GRM5: variants seen among roughly 807,000 people sequenced by gnomAD.
GRM5 encodes the protein metabotropic glutamate receptor 5.
In GRM5, 19 loss-of-function variants were observed where a neutral mutation model predicts 83.1. The observed-to-expected ratio is 0.23, with a 90% CI of 0.16 to 0.34. The LOEUF (loss-of-function observed/expected upper bound fraction) is 0.34. Among genes scored for constraint, GRM5 ranks in the 10% least tolerant of loss-of-function variants. GRM5 has a pLI of 1.00. For synonymous variants in GRM5, 675 were observed against 633.6 expected (o/e 1.07, Z -0.98); for missense variants, 1,160 against 1,588.3 (o/e 0.73, Z 4.58).
intron 1 of GRM5, among the ~76,000 whole-genome samples, chr11:89,060,683 G>A (rs1190916434): frequency 6.6e-6 from 1 of 152,016 alleles, no homozygotes; most frequent in Non-Finnish European, 1.5e-5. Context: ...ATTCAGAAAG[G>A]TAAAATATAG....
At chr11:88,556,553 C>T (rs1942633075) in intron 8 of GRM5, among the ~76,000 whole-genome samples, 1 of 152,048 alleles carries the variant, frequency 6.6e-6, no homozygotes, top group East Asian at 1.9e-4. Context: ...AAACTCCTGA[C>T]CTCATGATCC....
intron 4 of GRM5, among the ~76,000 whole-genome samples, chr11:88,606,682 G>T (rs759513634): frequency 8.5e-5 from 13 of 152,282 alleles, no homozygotes; most frequent in Non-Finnish European, 1.3e-4. Flanking sequence ...GGCTGTAGGA[G>T]TAGGACTGTC....
chr11:88,763,012 G>A (rs150497281), intron 3 of GRM5, among the ~76,000 whole-genome samples: 45 of 152,036 alleles, frequency 3.0e-4, no homozygotes, highest in African/African-American at 9.6e-4. Context: ...AGACGTGGGA[G>A]ACTACCAGGG....
intron 3 of GRM5, among the ~76,000 whole-genome samples, chr11:88,655,836 G>A (rs1939755129): frequency 6.6e-6 from 1 of 151,984 alleles, no homozygotes; most frequent in South Asian, 2.1e-4. Context: ...GAGATAGTGT[G>A]TAAACAGAAA....
chr11:89,048,129 G>T (rs2135152340), intron 1 of GRM5, 57 bp from the exon 2 acceptor site: 1 of 434,230 alleles, frequency 2.3e-6, no homozygotes, highest in Non-Finnish European at 4.1e-6. Context: ...CTAGTTTGGG[G>T]AAGTTCTATA....
chr11:88,684,993 T>C (rs1432315811), intron 3 of GRM5, among the ~76,000 whole-genome samples: 1 of 152,146 alleles, frequency 6.6e-6, no homozygotes, highest in Non-Finnish European at 1.5e-5. Flanking sequence ...GAGTGGGATG[T>C]TACTGAAAAG....
At chr11:88,615,419 G>A (rs1455312137) in intron 4 of GRM5, among the ~76,000 whole-genome samples, 1 of 152,058 alleles carries the variant, frequency 6.6e-6, no homozygotes, top group Non-Finnish European at 1.5e-5. Context: ...TGAGGCATCA[G>A]GACTTCAAGT....
intron 2 of GRM5, among the ~76,000 whole-genome samples, chr11:88,885,540 A>T (rs906011214): frequency 7.2e-6 from 1 of 138,048 alleles, no homozygotes; most frequent in African/African-American, 2.8e-5. Context: ...AAAGGTATTT[A>T]AATAGTACAG....
chr11:88,880,302 T>C (rs1565274458), intron 2 of GRM5, among the ~76,000 whole-genome samples: 2 of 152,058 alleles, frequency 1.3e-5, no homozygotes, highest in Non-Finnish European at 2.9e-5. Flanking sequence ...CATGAATAAA[T>C]AAAATGGAAT....
At chr11:88,559,402 C>T (rs896324879) in intron 8 of GRM5, among the ~76,000 whole-genome samples, 2 of 152,162 alleles carry the variant, frequency 1.3e-5, no homozygotes, top group African/African-American at 2.4e-5. Context: ...ATGAAGCTAG[C>T]TTCCTTTTAT....
intron 2 of GRM5, among the ~76,000 whole-genome samples, chr11:88,975,429 C>G (rs1456593101): frequency 1.3e-5 from 2 of 152,168 alleles, no homozygotes; most frequent in Non-Finnish European, 2.9e-5. Context: ...GGTCCTATTT[C>G]CAGATATTCT....
At chr11:88,930,252 TA>T (rs71988329) in intron 2 of GRM5, among the ~76,000 whole-genome samples, 41,996 of 147,254 alleles carry the variant, frequency 0.29, 6,443 homozygotes, top group Non-Finnish European at 0.36. Flanking sequence ...TCACCAAAAT[TA>T]AAAAAAAAAA....
chr11:88,980,690 G>T (rs760246413), intron 2 of GRM5, among the ~76,000 whole-genome samples: 9 of 152,122 alleles, frequency 5.9e-5, no homozygotes, highest in Middle Eastern at 6.8e-3. Context: ...GGGCGTGGTG[G>T]CAGGTGCCTG....
intron 3 of GRM5, among the ~76,000 whole-genome samples, chr11:88,748,695 G>A (rs1343285897): frequency 6.6e-6 from 1 of 152,102 alleles, no homozygotes; most frequent in Admixed American, 6.6e-5. Flanking sequence ...AATGCAGGCT[G>A]GCAACAGGTC....
intron 2 of GRM5, among the ~76,000 whole-genome samples, chr11:88,997,105 A>G (rs905140438): frequency 2.6e-5 from 4 of 152,078 alleles, no homozygotes; most frequent in Non-Finnish European, 5.9e-5. Context: ...CAGGTAGATC[A>G]CCTGAGGTCA....
At chr11:88,945,609 C>A (rs908000922) in intron 2 of GRM5, among the ~76,000 whole-genome samples, 2 of 152,082 alleles carry the variant, frequency 1.3e-5, no homozygotes, top group African/African-American at 2.4e-5. Context: ...TAATCTTCAA[C>A]AAAATTGACA....
At chr11:88,891,877 T>G (rs559135736) in intron 2 of GRM5, among the ~76,000 whole-genome samples, 1 of 152,134 alleles carries the variant, frequency 6.6e-6, no homozygotes, top group Admixed American at 6.6e-5. Flanking sequence ...GAATATCAAG[T>G]GAAACAAGAG....
At chr11:88,615,797 T>C (rs923730809) in intron 4 of GRM5, among the ~76,000 whole-genome samples, 3 of 152,210 alleles carry the variant, frequency 2.0e-5, no homozygotes, top group South Asian at 4.1e-4. Context: ...GTGGTGAATA[T>C]ATTGGTAAAT....
chr11:88,822,651 T>A (rs372866407), intron 3 of GRM5, among the ~76,000 whole-genome samples: 1 of 152,160 alleles, frequency 6.6e-6, no homozygotes, highest in Non-Finnish European at 1.5e-5. Flanking sequence ...AATACAATTA[T>A]CTTCTTAAGA....
Sources: allele counts gnomAD v4.1 joint callset (sites outside exome capture counted in the v4.1 genomes callset), GRCh38; gene constraint gnomAD v4.1.1; transcripts MANE v1.5; gene names NCBI Gene and HGNC (gene_info 2026-07-23, HGNC 2026-07-21).